The following TSPAN8 variants were observed in gnomAD, a reference collection of about 807,000 sequenced individuals.
The protein encoded by TSPAN8 is tetraspanin-8.
In TSPAN8, 21 loss-of-function variants were observed where a neutral mutation model predicts 32.8. The observed-to-expected ratio is 0.64, with a 90% CI of 0.45 to 0.92. The LOEUF (loss-of-function observed/expected upper bound fraction) is 0.92, where lower values mean the gene tolerates loss of function less well. Among genes scored for constraint, TSPAN8 ranks in the 40% least tolerant of loss-of-function variants. The pLI, the probability that TSPAN8 is intolerant of heterozygous loss-of-function variation, is 0.00. For missense variants in TSPAN8, 269 were observed against 281.9 expected (o/e 0.95, Z 0.33); for synonymous variants, 95 against 94.6 (o/e 1.00, Z -0.03).
At chr12:71,139,177 T>C (rs1313140376) in intron 4 of TSPAN8, 1 of 456,558 alleles carries the variant, frequency 2.2e-6, no homozygotes, top group Admixed American at 2.3e-5. Flanking sequence ...CATCATTTAC[T>C]GGAAACAGTT....
intron 2 of TSPAN8, among the ~76,000 whole-genome samples, chr12:71,150,758 C>T (rs192142558): frequency 1.1e-3 from 168 of 152,234 alleles, no homozygotes; most frequent in African/African-American, 3.6e-3. Flanking sequence ...CTGAATCATG[C>T]GGGTGGTTCC....
intron 7 of TSPAN8, among the ~76,000 whole-genome samples, chr12:71,132,311 C>CA (rs1489502054): frequency 1.3e-5 from 2 of 151,782 alleles, no homozygotes; most frequent in African/African-American, 4.8e-5. Context: ...GATTAGAAAA[C>CA]AAAAAACATT....
In TSPAN8 at chr12:71,139,855, T is replaced by G; in HGVS notation, c.124-7A>C. ...CATCTTCAGAACCAAAAATCTGAAG[T>G]AAAAAAGAGATTAATGGCAGAAAAT... On this transcript the variant is annotated splice_region_variant and splice_polypyrimidine_tract_variant and intron_variant, in intron 3 of 8. Coordinates refer to ENST00000247829, the MANE Select transcript of TSPAN8 (RefSeq NM_004616.3). The G allele has an allele frequency of 6.3e-7, 1 of 1,597,890 alleles. No individual in the cohort carries two copies. The highest frequency in any genetic ancestry group is 2.2e-5 in the East Asian group (1 of 44,760).
intron 6 of TSPAN8, 98 bp from the exon 7 acceptor site, chr12:71,132,922 T>G: frequency 7.2e-7 from 1 of 1,397,108 alleles, no homozygotes; most frequent in East Asian, 2.4e-5. Flanking sequence ...TATTAAAGGT[T>G]ATTATGCTAA....
At chr12:71,139,496 T>TGAAGGATGTATTTCAGGGTCCTGGCACAG (rs1555195467) in intron 4 of TSPAN8, among the ~76,000 whole-genome samples, 79 of 152,180 alleles carry the variant, frequency 5.2e-4, no homozygotes, top group Admixed American at 5.9e-4. Flanking sequence ...AATGGATGAA[T>TGAAGGATGTATTTCAGGGTCCTGGCACAG]GATTAAAATT....
At chr12:71,143,664 T>C (rs2137055575) in intron 3 of TSPAN8, among the ~76,000 whole-genome samples, 1 of 152,334 alleles carries the variant, frequency 6.6e-6, no homozygotes, top group East Asian at 1.9e-4. Context: ...CCCTTGTACC[T>C]TGTTGCCTTT....
Position 71,132,743 on chromosome 12 carries a change from C to T in TSPAN8, c.526G>A (p.Asp176Asn). The T allele has an allele frequency of 6.2e-7, 1 of 1,613,968 alleles. No homozygotes were observed. The highest frequency in any genetic ancestry group is 8.5e-7 in the Non-Finnish European group (1 of 1,179,960). ...TAGCTTTGGCATGGTCTCTGCTTAT[C>T]TAGACAGGCACATAATTCAGGATAG... ...QHYPELCACLDKQRPCQSYNG... is the reference protein window; with the variant it reads ...QHYPELCACLNKQRPCQSYNG... Residue 176 changes from aspartate (D) to asparagine (N), a missense_variant, in exon 7 of 9, where the codon GAT becomes AAT. Coordinates refer to ENST00000247829, the MANE Select transcript of TSPAN8 (RefSeq NM_004616.3).
chr12:71,144,211 T>C lies in TSPAN8; in HGVS notation c.63A>G (p.Leu21=). The change falls in exon 3 of 9, where the codon CTA becomes CTG. Residue 21 remains leucine, a splice_region_variant and synonymous_variant. Coordinates refer to ENST00000247829, the MANE Select transcript of TSPAN8 (RefSeq NM_004616.3). ...SMFTFNFLFW[L]CGILILALAI... ...CTAATGCTAGGATCAAGATACCACA[T>C]AGCTGCAGAAAAAAACAAACAAACA... 2 of 1,610,654 alleles carry C rather than the reference T, an allele frequency of 1.2e-6. No homozygotes were observed. Among genetic ancestry groups the C allele is most frequent in the Non-Finnish European group, 1.7e-6 (2 of 1,179,198 alleles).
In TSPAN8 at chr12:71,125,271, T is replaced by G; in HGVS notation, c.*63A>C. 1 of 1,479,768 alleles carries G rather than the reference T, an allele frequency of 6.8e-7. No homozygotes were observed. The allele number at this position is 1,479,768 out of a possible 1,614,324, so 91.7% of individuals were successfully genotyped here. On this transcript the variant is annotated 3_prime_UTR_variant, in exon 9 of 9. Transcript: ENST00000247829. ...TTATATAGCACTTACATATTTAAAT[T>G]TACAAAGCCAAAGCAACATTTTAAA... is the stretch of plus-strand genomic sequence containing the variant.
chr12:71,135,367 A>G (rs925855226), intron 6 of TSPAN8, among the ~76,000 whole-genome samples: 1 of 140,290 alleles, frequency 7.1e-6, no homozygotes, highest in South Asian at 2.5e-4. Context: ...AAGAAGAAGA[A>G]GAAGGAGGAG....
chr12:71,151,586 A>T (rs1872257493), intron 2 of TSPAN8, among the ~76,000 whole-genome samples: 3 of 152,220 alleles, frequency 2.0e-5, no homozygotes, highest in African/African-American at 7.2e-5. Flanking sequence ...CAAATTCAGT[A>T]ATATTCTTAC....
chr12:71,139,252 G>A (rs376891775), intron 4 of TSPAN8: 49 of 457,314 alleles, frequency 1.1e-4, no homozygotes, highest in Admixed American at 1.0e-3. Context: ...GTACTGCCAC[G>A]TTGTCTTTCC....
In TSPAN8 at chr12:71,132,288, G is replaced by A. The variant is rs111911016; in HGVS notation, c.576+405C>T. 8.3e-3 allele frequency among the ~76,000 whole-genome samples: 1,259 copies of A among 152,162 alleles called. 22 individuals carry two copies. Among genetic ancestry groups the A allele is most frequent in the African/African-American group, 0.027 (1,134 of 41,520 alleles). The stretch of plus-strand genomic sequence containing the variant: ...GGAAAGAAGAAACCTCATTTCTTGA[G>A]AAAAGGAAATTTGATTAGAAAACAA... On this transcript the variant is annotated intron_variant, in intron 7 of 8. Coordinates refer to ENST00000247829, the MANE Select transcript of TSPAN8 (RefSeq NM_004616.3).
rs187715799 is a variant in TSPAN8, at chr12:71,125,462, A to G, written c.661-75T>C. On this transcript the variant is annotated intron_variant, in intron 8 of 8. Transcript: ENST00000247829. ...GACACATTATAAATAAACAGAAAGA[A>G]CATTATATATGAAAAGATTTTGTAT... The G allele has an allele frequency of 5.0e-5, 62 of 1,241,910 alleles. No individual in the cohort carries two copies. In the East Asian group the frequency reaches 1.4e-3, roughly 28 times the overall value. 76.9% of individuals were successfully genotyped at this position (1,241,910 alleles called of 1,614,324 possible).
intron 8 of TSPAN8, among the ~76,000 whole-genome samples, chr12:71,127,423 A>G (rs1871381906): frequency 6.6e-6 from 1 of 152,154 alleles, no homozygotes; most frequent in Admixed American, 6.5e-5. Flanking sequence ...GAGGAACTGA[A>G]CAATTTTAAA....
chr12:71,137,436 T>C (rs143637261), intron 6 of TSPAN8, among the ~76,000 whole-genome samples: 2,969 of 152,070 alleles, frequency 0.02, 42 homozygotes, highest in South Asian at 0.066. Flanking sequence ...CTGTCTCTAC[T>C]AAAAATACAA....
intron 2 of TSPAN8, among the ~76,000 whole-genome samples, chr12:71,152,963 C>A (rs1592411518): frequency 6.6e-6 from 1 of 152,204 alleles, no homozygotes; most frequent in Non-Finnish European, 1.5e-5. Context: ...GCTCTTCAAA[C>A]CTCGTCATGC....
At position 71,129,366 on chromosome 12, in the gene TSPAN8, C is replaced by T. The variant is rs150570864; in HGVS notation, c.625G>A (p.Val209Ile). Residue 209 changes from valine (V) to isoleucine (I), a missense_variant, in exon 8 of 9, where the codon GTT becomes ATT. Coordinates refer to ENST00000247829, the MANE Select transcript of TSPAN8 (RefSeq NM_004616.3). ...KDFLAKNLII[V>I]IGISFGLAVI... The stretch of plus-strand genomic sequence containing the variant: ...GCCAGTCCAAATGATATTCCAATAA[C>T]TATAATCAAATTTTTTGCCAAGAAG... 748 of 1,583,856 alleles carry T rather than the reference C, an allele frequency of 4.7e-4. 7 individuals are homozygous for T. Among genetic ancestry groups the T allele is most frequent in the Non-Finnish European group, 3.6e-5 (42 of 1,166,360 alleles).
chr12:71,139,405 G>C, intron 4 of TSPAN8: 1 of 511,662 alleles, frequency 2.0e-6, no homozygotes, highest in South Asian at 2.1e-5. Context: ...TCCCTAGTAG[G>C]TTCTAAAGGT....
Sources: allele counts gnomAD v4.1 joint callset (sites outside exome capture counted in the v4.1 genomes callset), GRCh38; gene constraint gnomAD v4.1.1; transcripts MANE v1.5; gene names NCBI Gene and HGNC (gene_info 2026-07-23, HGNC 2026-07-21).